The following FBXL2 variants were observed in gnomAD, a reference collection of about 807,000 sequenced individuals.
FBXL2 encodes F-box/LRR-repeat protein 2.
Under a neutral mutation model 69.2 loss-of-function variants are expected in FBXL2, and 38 were observed. The observed-to-expected ratio is 0.55, with a 90% CI of 0.42 to 0.72. The LOEUF (loss-of-function observed/expected upper bound fraction) is 0.72. FBXL2 is among the 30% of genes least tolerant of loss of function. The probability of loss-of-function intolerance (pLI) is 0.00; values close to 1 mark genes in which losing one functional copy is unlikely to be tolerated. For missense variants in FBXL2, 354 were observed against 520.3 expected, an observed-to-expected ratio of 0.68 and a Z score of 3.11; for synonymous variants, 192 against 201.3, an observed-to-expected ratio of 0.95 and a Z score of 0.39.
In FBXL2 at chr3:33,302,123, A is replaced by G. The variant is rs958588977; in HGVS notation, c.65+4398A>G. ...TTGACAATGCAGTCAGCTTTAATGCAAACAACTGATGAATCCAGCTCTTAA... is the reference window on the plus strand; with the variant it reads ...TTGACAATGCAGTCAGCTTTAATGCGAACAACTGATGAATCCAGCTCTTAA... On this transcript the variant is annotated intron_variant, in intron 2 of 14. Transcript: ENST00000484457. Among the ~76,000 whole-genome samples the G allele has an allele frequency of 2.6e-5, 4 of 152,202 alleles. No individual in the cohort carries two copies. The East Asian group carries it at 5.8e-4, about 22-fold the overall frequency.
intron 1 of FBXL2, among the ~76,000 whole-genome samples, chr3:33,295,682 G>C (rs571598600): frequency 3.3e-4 from 51 of 152,274 alleles, no homozygotes; most frequent in African/African-American, 1.2e-3. Flanking sequence ...AAGTGGCTAT[G>C]CCATTTTACA....
the FBXL2 span, among the ~76,000 whole-genome samples, chr3:33,419,844 AAGGATCC>A: frequency 6.6e-6 from 1 of 152,212 alleles, no homozygotes; most frequent in Non-Finnish European, 1.5e-5. Context: ...AAATATAAAG[AAGGATCC>A]AGTATTAATG....
chr3:33,288,645 G>C (rs1244341021), intron 1 of FBXL2, among the ~76,000 whole-genome samples: 1 of 152,202 alleles, frequency 6.6e-6, no homozygotes, highest in Non-Finnish European at 1.5e-5. Context: ...AACATGCCTG[G>C]TGTGTTGGAT....
intron 5 of FBXL2, among the ~76,000 whole-genome samples, chr3:33,371,904 C>T (rs986134637): frequency 6.6e-6 from 1 of 152,200 alleles, no homozygotes; most frequent in African/African-American, 2.4e-5. Context: ...ATTCTCAATA[C>T]TCTACCCAAT....
chr3:33,380,740 C>A (rs1471525117), intron 13 of FBXL2, among the ~76,000 whole-genome samples: 2 of 152,074 alleles, frequency 1.3e-5, no homozygotes, highest in Admixed American at 1.3e-4. Context: ...CACATCCACA[C>A]CACATCCATG....
intron 4 of FBXL2, 96 bp downstream of exon 4, chr3:33,359,453 A>G (rs1436653246): frequency 2.7e-6 from 2 of 748,214 alleles, no homozygotes; most frequent in African/African-American, 1.7e-5. Flanking sequence ...TAGATCTAAT[A>G]TTAAAGTGCT....
upstream of FBXL2, chr3:33,277,417 G>A: frequency 8.2e-7 from 1 of 1,222,876 alleles, no homozygotes; most frequent in Non-Finnish European, 1.0e-6. Flanking sequence ...CCCACCTTGG[G>A]GACGGGGCGG....
At chr3:33,339,700 A>G (rs1017180087) in intron 2 of FBXL2, among the ~76,000 whole-genome samples, 2 of 152,152 alleles carry the variant, frequency 1.3e-5, no homozygotes, top group African/African-American at 4.8e-5. Flanking sequence ...ACCAAACCCA[A>G]AATGAAAGTT....
chr3:33,400,465 T>C (rs1414086575), intron 12 of FBXL2, among the ~76,000 whole-genome samples: 1 of 152,176 alleles, frequency 6.6e-6, no homozygotes, highest in Non-Finnish European at 1.5e-5. Context: ...AATGGGATGC[T>C]ATTCAGCCAT....
chr3:33,419,862 A>G, the FBXL2 span, among the ~76,000 whole-genome samples: 2 of 152,246 alleles, frequency 1.3e-5, no homozygotes, highest in South Asian at 2.1e-4. Flanking sequence ...AGTATTAATG[A>G]AATATAAAGT....
intron 10 of FBXL2, among the ~76,000 whole-genome samples, chr3:33,376,803 C>G (rs1027203574): frequency 1.3e-5 from 2 of 152,036 alleles, no homozygotes; most frequent in Non-Finnish European, 2.9e-5. Context: ...GAGTTTGAGA[C>G]CAGCCTGGCC....
chr3:33,373,556 T>C (rs1321903569), intron 7 of FBXL2, 22 bp from the exon 8 acceptor site: 2 of 1,614,048 alleles, frequency 1.2e-6, no homozygotes, highest in Non-Finnish European at 1.7e-6. Context: ...TGCACATAAG[T>C]TTTTGTTTCT....
chr3:33,294,278 T>C (rs2035536564), intron 1 of FBXL2, among the ~76,000 whole-genome samples: 1 of 151,912 alleles, frequency 6.6e-6, no homozygotes, highest in East Asian at 2.0e-4. Context: ...TAAATTTTTT[T>C]GTAGAGTCGG....
chr3:33,365,658 TG>T (rs2041906338), intron 5 of FBXL2, among the ~76,000 whole-genome samples: 1 of 151,958 alleles, frequency 6.6e-6, no homozygotes, highest in South Asian at 2.1e-4. Flanking sequence ...GAGGCTGAGG[TG>T]GAACGATCCC....
chr3:33,305,924 C>T (rs1665599999), intron 2 of FBXL2, among the ~76,000 whole-genome samples: 1 of 151,860 alleles, frequency 6.6e-6, no homozygotes, highest in Non-Finnish European at 1.5e-5. Flanking sequence ...CTCAAGTGTT[C>T]CCTCCTTGAT....
the FBXL2 span, chr3:33,416,941 TTTG>T: frequency 1.1e-6 from 1 of 941,964 alleles, no homozygotes; most frequent in Non-Finnish European, 1.6e-6. Context: ...ACAATGATAG[TTTG>T]TTAATTTGCT....
chr3:33,329,101 A>G (rs2038952675), intron 2 of FBXL2, among the ~76,000 whole-genome samples: 1 of 152,170 alleles, frequency 6.6e-6, no homozygotes, highest in Non-Finnish European at 1.5e-5. Flanking sequence ...AAAACAGGCC[A>G]GAGATCTGAA....
chr3:33,333,350 G>A (rs1176854805), intron 2 of FBXL2, among the ~76,000 whole-genome samples: 1 of 152,008 alleles, frequency 6.6e-6, no homozygotes, highest in Non-Finnish European at 1.5e-5. Flanking sequence ...ATGGGAAGAG[G>A]GTGATTAAAA....
At chr3:33,413,654 G>A in the FBXL2 span, among the ~76,000 whole-genome samples, 7 of 152,112 alleles carry the variant, frequency 4.6e-5, no homozygotes, top group African/African-American at 1.4e-4. Flanking sequence ...GGCCAGGTGC[G>A]GTGGGGCTCA....
Sources: gnomAD v4.1 joint callset for allele counts (sites outside exome capture counted in the v4.1 genomes callset) on GRCh38, gnomAD v4.1.1 for gene constraint, MANE v1.5 for transcripts, NCBI Gene and HGNC (gene_info 2026-07-23, HGNC 2026-07-21) for gene names.